Variants in ZMYM4 observed in about 807,000 individuals in gnomAD.
The protein encoded by ZMYM4 is zinc finger MYM-type protein 4.
In ZMYM4, 31 loss-of-function variants were observed where a neutral mutation model predicts 183.2. The ratio of observed to expected loss-of-function variants is 0.17; its 90% CI spans 0.13 to 0.23. The LOEUF is 0.23. Among genes scored for constraint, ZMYM4 ranks in the 10% least tolerant of loss-of-function variants. The probability of loss-of-function intolerance (pLI) is 1.00; values close to 1 mark genes in which losing one functional copy is unlikely to be tolerated. For synonymous variants in ZMYM4, 592 were observed against 631.2 expected (o/e 0.94, Z 0.93); for missense variants, 1,273 against 1,840.3 (o/e 0.69, Z 5.64).
At chr1:35,410,719 C>CT (rs61294704) in intron 26 of ZMYM4, among the ~76,000 whole-genome samples, 36,681 of 150,966 alleles carry the variant, frequency 0.24, 8,944 homozygotes, top group East Asian at 0.77. Context: ...TTTGGATCTC[C>CT]CACCTCGTGA....
Position 35,269,027 on chromosome 1 carries a change from G to T in ZMYM4, c.-20G>T. 1 of 1,533,944 alleles carries T rather than the reference G, an allele frequency of 6.5e-7. No homozygotes were observed. Among genetic ancestry groups the T allele is most frequent in the South Asian group, 1.2e-5 (1 of 82,114 alleles). ...CCGCCACCGCGCGGGGAGCCGCAGC[G>T]GTTCCGAGCGGGGCCCAACATGGCG... On this transcript the variant is annotated 5_prime_UTR_variant, in exon 1 of 30. Transcript: ENST00000314607.
intron 1 of ZMYM4, among the ~76,000 whole-genome samples, chr1:35,296,702 A>T (rs976831704): frequency 2.6e-5 from 4 of 152,166 alleles, no homozygotes; most frequent in Non-Finnish European, 5.9e-5. Context: ...AAAGAAGGCT[A>T]TTCTTTTTAG....
At chr1:35,333,532 A>G (rs1433737300) in intron 2 of ZMYM4, among the ~76,000 whole-genome samples, 1 of 152,142 alleles carries the variant, frequency 6.6e-6, no homozygotes, top group African/African-American at 2.4e-5. Context: ...GTCTGGGATT[A>G]CAAGTGTCAG....
intron 15 of ZMYM4, among the ~76,000 whole-genome samples, chr1:35,390,416 A>C (rs1644678903): frequency 6.6e-6 from 1 of 151,552 alleles, no homozygotes; most frequent in African/African-American, 2.4e-5. Flanking sequence ...TAGGTAAAGG[A>C]AAAAGGGGGG....
chr1:35,275,240 TTTTTC>T (rs1332234706), intron 1 of ZMYM4, among the ~76,000 whole-genome samples: 11 of 152,148 alleles, frequency 7.2e-5, no homozygotes, highest in African/African-American at 2.7e-4. Flanking sequence ...AAGATTTTCT[TTTTTC>T]TTTTCTTTTT....
intron 1 of ZMYM4, among the ~76,000 whole-genome samples, chr1:35,284,614 C>T (rs571681494): frequency 5.9e-5 from 9 of 152,244 alleles, no homozygotes; most frequent in East Asian, 5.8e-4. Flanking sequence ...TTTGGGCTGT[C>T]GTAACACAGT....
At chr1:35,342,823 A>C (rs1342013490) in intron 2 of ZMYM4, among the ~76,000 whole-genome samples, 1 of 151,956 alleles carries the variant, frequency 6.6e-6, no homozygotes, top group Non-Finnish European at 1.5e-5. Flanking sequence ...GGCACATGCC[A>C]CCACGCCCAG....
At chr1:35,371,062 A>AGTGTGTGTGTGT (rs67591506) in intron 7 of ZMYM4, among the ~76,000 whole-genome samples, 1 of 126,082 alleles carries the variant, frequency 7.9e-6, no homozygotes, top group Non-Finnish European at 1.7e-5. Flanking sequence ...AATGGCTTCC[A>AGTGTGTGTGTGT]GTGTGTGTGT....
At chr1:35,370,665 C>G (rs779994108) in intron 7 of ZMYM4, 38 bp downstream of exon 7, 1 of 1,517,236 alleles carries the variant, frequency 6.6e-7, no homozygotes, top group Admixed American at 1.9e-5. Context: ...TTGTTTCTTT[C>G]CTTTCTCTTA....
rs770968621 is a variant in ZMYM4, at chr1:35,419,523, C to G, written c.4493C>G (p.Ser1498Cys). The change falls in exon 30 of 30, where the codon TCC becomes TGC. Residue 1498 changes from serine (S) to cysteine (C), a missense_variant. By Grantham distance (112) the Ser-to-Cys change is moderately radical. Coordinates refer to ENST00000314607, the MANE Select transcript of ZMYM4 (RefSeq NM_005095.3). ...NDVFYLQPER[S>C]CVPNSPMWYS... The stretch of plus-strand genomic sequence containing the variant: ...GTGTTTTACCTTCAACCTGAGCGCT[C>G]CTGTGTCCCGAATAGCCCCATGTGG... The G allele has an allele frequency of 2.5e-6, 4 of 1,613,946 alleles. No individual in the cohort carries two copies. The East Asian group carries it at 6.7e-5, about 27-fold the overall frequency.
intron 7 of ZMYM4, among the ~76,000 whole-genome samples, chr1:35,372,528 C>T (rs1644236434): frequency 6.6e-6 from 1 of 151,778 alleles, no homozygotes; most frequent in Non-Finnish European, 1.5e-5. Context: ...ATGTTCTCAC[C>T]ACAAAAATGG....
In ZMYM4 at chr1:35,279,975, A is replaced by G. The variant is rs917646086; in HGVS notation, c.39+10890A>G. Among the ~76,000 whole-genome samples, 11 of 152,312 alleles carry G rather than the reference A, an allele frequency of 7.2e-5. No homozygotes were observed. In the South Asian group the frequency reaches 1.0e-3, roughly 14 times the overall value. The stretch of plus-strand genomic sequence containing the variant: ...AACCCTAACCAGAATTGCCTTTGAC[A>G]TCAGTATTTCTACCACCATGTCTTT... On this transcript the variant is annotated intron_variant, in intron 1 of 29. Coordinates refer to ENST00000314607, the MANE Select transcript of ZMYM4 (RefSeq NM_005095.3).
chr1:35,368,062 C>CG (rs1644130751), intron 5 of ZMYM4, among the ~76,000 whole-genome samples: 1 of 46,106 alleles, frequency 2.2e-5, no homozygotes, highest in African/African-American at 8.9e-5. Context: ...AAATCCAGCG[C>CG]CCCCCCCCCA....
chr1:35,361,078 G>T (rs937299591), intron 3 of ZMYM4, 116 bp from the exon 4 acceptor site: 1 of 867,692 alleles, frequency 1.2e-6, no homozygotes, highest in Non-Finnish European at 1.7e-6. Context: ...TCACTCTAAC[G>T]AGCATCTTTG....
rs975329180 is a variant in ZMYM4 at position 35,307,377 on chromosome 1, T to C, written c.40-17983T>C. On this transcript the variant is annotated intron_variant, in intron 1 of 29. Coordinates refer to ENST00000314607, the MANE Select transcript of ZMYM4 (RefSeq NM_005095.3). ...CAAAAACCCCTGTACCTTGGTACAG[T>C]GTCTGGCTGTGACATCACATGGGTA... 7.2e-5 allele frequency among the ~76,000 whole-genome samples: 11 copies of C among 152,196 alleles called. No individual in the cohort carries two copies. The East Asian group carries it at 1.9e-3, about 27-fold the overall frequency.
chr1:35,415,437 C>T (rs1367158310), intron 27 of ZMYM4, 29 bp from the exon 28 acceptor site: 2 of 1,613,736 alleles, frequency 1.2e-6, no homozygotes, highest in Admixed American at 1.7e-5. Flanking sequence ...GAGCTCAGTA[C>T]TGTTTCTTGT....
At chr1:35,345,458 T>G (rs1327860234) in intron 2 of ZMYM4, among the ~76,000 whole-genome samples, 2 of 143,686 alleles carry the variant, frequency 1.4e-5, no homozygotes, top group African/African-American at 5.4e-5. Flanking sequence ...CCGTATTACT[T>G]TTTTTTTTTT....
At chr1:35,358,258 G>T (rs1643873337) in intron 2 of ZMYM4, among the ~76,000 whole-genome samples, 1 of 152,028 alleles carries the variant, frequency 6.6e-6, no homozygotes, top group South Asian at 2.1e-4. Context: ...GCTTTGTTTT[G>T]TTTTGGAATG....
intron 7 of ZMYM4, among the ~76,000 whole-genome samples, chr1:35,373,104 A>G (rs1298323696): frequency 1.3e-5 from 2 of 152,138 alleles, no homozygotes; most frequent in African/African-American, 4.8e-5. Flanking sequence ...GGTTGCAGTG[A>G]GCCAAGATTG....
Sources: allele counts gnomAD v4.1 joint callset (sites outside exome capture counted in the v4.1 genomes callset), GRCh38; gene constraint gnomAD v4.1.1; transcripts MANE v1.5; gene names NCBI Gene and HGNC (gene_info 2026-07-23, HGNC 2026-07-21).